IQCH: variants seen among roughly 807,000 people sequenced by gnomAD.
The protein encoded by IQCH is IQ domain-containing protein H.
IQCH carries 98 observed loss-of-function variants against 117.0 expected under a neutral mutation model. The ratio of observed to expected loss-of-function variants is 0.84; its 90% CI spans 0.71 to 0.99. IQCH has a LOEUF of 0.99. Ranked by LOEUF, IQCH falls within the 50% of genes least tolerant of loss-of-function variation. The pLI is 0.00. For synonymous variants in IQCH, 412 were observed against 448.2 expected (o/e 0.92, Z 1.02); for missense variants, 1,102 against 1,243.8 (o/e 0.89, Z 1.72).
At chr15:67,344,038 AC>A in intron 5 of IQCH, 24 bp from the exon 6 acceptor site, 1 of 1,604,210 alleles carries the variant, frequency 6.2e-7, no homozygotes. Context: ...AATTAAACTC[AC>A]ATTTTATTAA....
intron 4 of IQCH, among the ~76,000 whole-genome samples, chr15:67,297,640 C>T (rs561723519): frequency 3.7e-4 from 56 of 152,240 alleles, no homozygotes; most frequent in African/African-American, 1.3e-3. Context: ...ATTCCCAGTC[C>T]ATGCGCAATT....
In IQCH at chr15:67,475,954, G is replaced by A; in HGVS notation, c.2799+136G>A. On this transcript the variant is annotated intron_variant, in intron 18 of 20. Transcript: ENST00000335894. This position sits in a 1 kb window ranked among gnomAD's most constrained non-coding sequence, Gnocchi z 5.7. ...ACGTGTCTGTAGAGGAAGGCTGATT[G>A]CTGCTTGGGGAAGAGCAGATACGCA... 1.4e-6 allele frequency: 1 copy of A among 737,430 alleles called. No homozygotes were observed. Among genetic ancestry groups the A allele is most frequent in the Non-Finnish European group, 2.2e-6 (1 of 451,984 alleles). The allele number at this position is 737,430 out of a possible 1,614,324, so 45.7% of individuals were successfully genotyped here. A position where few individuals can be genotyped will look rare whatever the true frequency, so the allele number is the denominator to read the frequency against.
At chr15:67,349,052 A>C (rs994864113) in intron 6 of IQCH, among the ~76,000 whole-genome samples, 5 of 152,246 alleles carry the variant, frequency 3.3e-5, no homozygotes, top group South Asian at 2.1e-4. Context: ...CTGGACATGT[A>C]TATAAAAGGG....
At position 67,475,896 on chromosome 15, in the gene IQCH, C is replaced by A; in HGVS notation, c.2799+78C>A. ...TCTAGGTAGCTAATAATTTGGTGCC[C>A]CTTCAGATAGATATTCTTTAAATAC... On this transcript the variant is annotated intron_variant, in intron 18 of 20. Transcript: ENST00000335894. This position sits in a 1 kb window ranked among gnomAD's most constrained non-coding sequence, Gnocchi z 5.7. 2 of 1,284,958 alleles carry A rather than the reference C, an allele frequency of 1.6e-6. No individual in the cohort carries two copies. The highest frequency in any genetic ancestry group is 2.2e-6 in the Non-Finnish European group (2 of 897,660). The allele number at this position is 1,284,958 out of a possible 1,614,324, so 79.6% of individuals were successfully genotyped here.
chr15:67,448,970 G>A (rs1013547403), intron 16 of IQCH, among the ~76,000 whole-genome samples: 1 of 152,144 alleles, frequency 6.6e-6, no homozygotes, highest in Non-Finnish European at 1.5e-5. Context: ...TTCTCTGATG[G>A]CCAGTGATGA....
At chr15:67,316,607 T>G (rs1346598129) in intron 4 of IQCH, among the ~76,000 whole-genome samples, 1 of 152,198 alleles carries the variant, frequency 6.6e-6, no homozygotes, top group African/African-American at 2.4e-5. Flanking sequence ...AGGGCTTCTC[T>G]GAGTTGGGCA....
chr15:67,316,175 G>T (rs1967836620), intron 4 of IQCH, among the ~76,000 whole-genome samples: 1 of 152,088 alleles, frequency 6.6e-6, no homozygotes, highest in Non-Finnish European at 1.5e-5. Context: ...GTTCCAAAAT[G>T]CCCTTTTCCA....
intron 8 of IQCH, among the ~76,000 whole-genome samples, chr15:67,360,949 T>C (rs1970105268): frequency 6.6e-6 from 1 of 152,256 alleles, no homozygotes; most frequent in South Asian, 2.1e-4. Context: ...AGGTTAAAAA[T>C]AGGATGTGTT....
At chr15:67,280,673 T>TA (rs1966316921) in intron 4 of IQCH, among the ~76,000 whole-genome samples, 2 of 152,160 alleles carry the variant, frequency 1.3e-5, no homozygotes, top group South Asian at 4.2e-4. Context: ...GATTTCAACA[T>TA]ATGGGTTTTG....
At chr15:67,305,024 G>A (rs907858407) in intron 4 of IQCH, among the ~76,000 whole-genome samples, 1 of 152,034 alleles carries the variant, frequency 6.6e-6, no homozygotes, top group African/African-American at 2.4e-5. Flanking sequence ...TTGTCCTAAA[G>A]CAAGGATTGT....
At chr15:67,256,137 A>G (rs1356731873) in intron 1 of IQCH, among the ~76,000 whole-genome samples, 1 of 152,132 alleles carries the variant, frequency 6.6e-6, no homozygotes, top group Non-Finnish European at 1.5e-5. Flanking sequence ...CACATCTCCA[A>G]TTTTATTATA....
chr15:67,261,507 G>T, intron 2 of IQCH, 113 bp downstream of exon 2: 1 of 825,116 alleles, frequency 1.2e-6, no homozygotes, highest in Non-Finnish European at 1.9e-6. Context: ...GCTGAATTTA[G>T]GGCAGTCGTC....
rs1462770400 is a variant in IQCH, at chr15:67,422,775, C to A, written c.2505+1198C>A. Among the ~76,000 whole-genome samples, 1 of 152,102 alleles carries A rather than the reference C, an allele frequency of 6.6e-6. No individual in the cohort carries two copies. The highest frequency in any genetic ancestry group is 1.5e-5 in the Non-Finnish European group (1 of 68,028). ...ACCTTTTTCACTTTGCTTTTCCCAC[C>A]TAAAAGTATAATGTTAAAGTTCACT... On this transcript the variant is annotated intron_variant, in intron 16 of 20. Coordinates refer to ENST00000335894, the MANE Select transcript of IQCH (RefSeq NM_001031715.3). This position sits in a 1 kb window ranked among gnomAD's most constrained non-coding sequence, Gnocchi z 4.7.
At chr15:67,282,667 C>T (rs1344843903) in intron 4 of IQCH, among the ~76,000 whole-genome samples, 1 of 152,162 alleles carries the variant, frequency 6.6e-6, no homozygotes, top group Non-Finnish European at 1.5e-5. Context: ...ATGCCTACTA[C>T]ACCAACATAA....
intron 4 of IQCH, among the ~76,000 whole-genome samples, chr15:67,280,950 A>G (rs966710067): frequency 1.2e-4 from 19 of 152,012 alleles, no homozygotes; most frequent in Admixed American, 3.9e-4. Context: ...AGGTTCAAGC[A>G]ATTCTTTGCC....
chr15:67,328,068 A>G (rs1968492003), intron 4 of IQCH, among the ~76,000 whole-genome samples: 2 of 152,198 alleles, frequency 1.3e-5, no homozygotes, highest in Admixed American at 6.5e-5. Flanking sequence ...CCTTCTTTCA[A>G]GATCAGCTAC....
At chr15:67,272,141 T>C (rs1452633187) in intron 3 of IQCH, among the ~76,000 whole-genome samples, 1 of 151,370 alleles carries the variant, frequency 6.6e-6, no homozygotes, top group Non-Finnish European at 1.5e-5. Flanking sequence ...TCAAGAAATT[T>C]AAATTTCCTT....
chr15:67,270,626 C>A (rs1193345338), intron 3 of IQCH, among the ~76,000 whole-genome samples: 1 of 152,158 alleles, frequency 6.6e-6, no homozygotes, highest in Non-Finnish European at 1.5e-5. Flanking sequence ...ACAGGCACCT[C>A]TTCCTCTCTC....
At chr15:67,374,931 A>G (rs932357592) in intron 10 of IQCH, among the ~76,000 whole-genome samples, 7 of 152,168 alleles carry the variant, frequency 4.6e-5, no homozygotes, top group African/African-American at 1.4e-4. Flanking sequence ...TGCTTTCTCT[A>G]TACAGGGCCC....
Sources: gnomAD v4.1 joint callset for allele counts (sites outside exome capture counted in the v4.1 genomes callset) on GRCh38, gnomAD v4.1.1 for gene constraint, Gnocchi (gnomAD v3.1) non-coding constraint, MANE v1.5 for transcripts, NCBI Gene and HGNC (gene_info 2026-07-23, HGNC 2026-07-21) for gene names.